ASAP1: variants seen among roughly 807,000 people sequenced by gnomAD.
ASAP1 encodes ArfGAP with SH3 domain, ankyrin repeat and PH domain 1, also known as arf-GAP with SH3 domain, ANK repeat and PH domain-containing protein 1.
ASAP1 carries 43 observed loss-of-function variants against 145.2 expected under a neutral mutation model. That is an observed-to-expected ratio of 0.30 (90% CI 0.23 to 0.38). The LOEUF (loss-of-function observed/expected upper bound fraction) is 0.38. Among genes scored for constraint, ASAP1 ranks in the 10% least tolerant of loss-of-function variants. The pLI is 1.00. For missense variants in ASAP1, 1,018 were observed against 1,355.3 expected (o/e 0.75, Z 3.91); for synonymous variants, 546 against 515.5 (o/e 1.06, Z -0.80).
intron 2 of ASAP1, among the ~76,000 whole-genome samples, chr8:130,394,956 C>A (rs1828458533): frequency 6.6e-6 from 1 of 152,196 alleles, no homozygotes; most frequent in Non-Finnish European, 1.5e-5. Context: ...AACCACTTTA[C>A]CCACCAGGCC....
intron 3 of ASAP1, among the ~76,000 whole-genome samples, chr8:130,302,598 A>G (rs1001641852): frequency 6.6e-6 from 1 of 152,222 alleles, no homozygotes; most frequent in Non-Finnish European, 1.5e-5. Flanking sequence ...TGCTGGGAGC[A>G]CTAGATTAAT....
chr8:130,442,228 T>C (rs560833179), intron 1 of ASAP1, among the ~76,000 whole-genome samples: 3 of 152,186 alleles, frequency 2.0e-5, no homozygotes, highest in Non-Finnish European at 4.4e-5. Context: ...ATCTGTTTCA[T>C]GGCTAACAGA....
intron 4 of ASAP1, among the ~76,000 whole-genome samples, chr8:130,226,865 G>A (rs914666197): frequency 6.6e-6 from 1 of 152,128 alleles, no homozygotes; most frequent in Admixed American, 6.6e-5. Context: ...GTTTACTGAT[G>A]GCTCTGTAGG....
chr8:130,379,929 G>A (rs1827686877), intron 2 of ASAP1, among the ~76,000 whole-genome samples: 1 of 152,150 alleles, frequency 6.6e-6, no homozygotes. Flanking sequence ...ACTGCTCCTT[G>A]TCCTCAGGCT....
intron 24 of ASAP1, among the ~76,000 whole-genome samples, chr8:130,103,766 G>A (rs1256489589): frequency 2.0e-5 from 3 of 152,134 alleles, no homozygotes; most frequent in Non-Finnish European, 2.9e-5. Context: ...CACCTGCCTC[G>A]GCCTCCCAAA....
chr8:130,158,249 C>A (rs971314920), intron 12 of ASAP1, among the ~76,000 whole-genome samples: 1 of 151,804 alleles, frequency 6.6e-6, no homozygotes, highest in Non-Finnish European at 1.5e-5. Flanking sequence ...GTGAGTCATG[C>A]CCGTAATCCC....
intron 24 of ASAP1, among the ~76,000 whole-genome samples, chr8:130,108,340 G>A (rs1227763277): frequency 1.3e-5 from 2 of 152,184 alleles, no homozygotes; most frequent in Non-Finnish European, 2.9e-5. Flanking sequence ...ACTGTAATTA[G>A]CATATCAGGT....
chr8:130,375,840 ACTGTTTTCTACAT>A (rs1827462834), intron 2 of ASAP1, among the ~76,000 whole-genome samples: 1 of 152,234 alleles, frequency 6.6e-6, no homozygotes, highest in Non-Finnish European at 1.5e-5. Context: ...CAAAGCCAGG[ACTGTTTTCTACAT>A]CAGCTGTCTA....
chr8:130,124,006 T>C lies in ASAP1; in HGVS notation c.1607+7A>G. On this transcript the variant is annotated splice_region_variant and intron_variant, in intron 18 of 29. Transcript: ENST00000518721. ...TTAAAAAAGTTCAATATATCAGAAA[T>C]ACTTACATATCACTTGAAGGGGTGG... 1.3e-6 allele frequency: 2 copies of C among 1,591,362 alleles called. No individual in the cohort carries two copies. The highest frequency in any genetic ancestry group is 2.3e-5 in the South Asian group (2 of 88,866).
At chr8:130,366,311 A>C (rs1421397692) in intron 2 of ASAP1, among the ~76,000 whole-genome samples, 2 of 152,236 alleles carry the variant, frequency 1.3e-5, no homozygotes, top group Non-Finnish European at 2.9e-5. Context: ...AATTTGGGGC[A>C]AGAGGACTGT....
intron 5 of ASAP1, among the ~76,000 whole-genome samples, chr8:130,210,806 GGATATGACT>G (rs1022766892): frequency 6.6e-6 from 1 of 152,036 alleles, no homozygotes; most frequent in African/African-American, 2.4e-5. Flanking sequence ...CTCTAAAATG[GGATATGACT>G]GATAGCTGTC....
intron 2 of ASAP1, among the ~76,000 whole-genome samples, chr8:130,365,115 C>T (rs1405265255): frequency 1.3e-5 from 2 of 152,178 alleles, no homozygotes; most frequent in South Asian, 2.1e-4. Flanking sequence ...AAAGCAAGGA[C>T]AGAAGATTCC....
intron 3 of ASAP1, among the ~76,000 whole-genome samples, chr8:130,286,920 G>A (rs1821650310): frequency 6.6e-6 from 1 of 152,136 alleles, no homozygotes; most frequent in Non-Finnish European, 1.5e-5. Context: ...AATGGTATAA[G>A]GAAACACCTC....
chr8:130,084,716 C>G (rs1026006058), intron 25 of ASAP1: 1 of 152,112 alleles, frequency 6.6e-6, no homozygotes, highest in Non-Finnish European at 1.5e-5. Context: ...TGCCTAATTT[C>G]CTCATCAGTA....
At chr8:130,134,624 T>C (rs1271231525) in intron 14 of ASAP1, among the ~76,000 whole-genome samples, 5 of 152,202 alleles carry the variant, frequency 3.3e-5, no homozygotes, top group Non-Finnish European at 5.9e-5. Flanking sequence ...ACATGATTCA[T>C]TCTGTCGAGG....
At position 130,079,960 on chromosome 8, in the gene ASAP1, C is replaced by T; in HGVS notation, c.2584G>A (p.Gly862Ser). 1.2e-6 allele frequency: 2 copies of T among 1,613,970 alleles called. No individual in the cohort carries two copies. The highest frequency in any genetic ancestry group is 1.1e-5 in the South Asian group (1 of 91,080). The change falls in exon 26 of 30, where the codon GGT becomes AGT. Residue 862 changes from glycine to serine, a missense_variant. Physicochemically the swap from Gly to Ser is moderately conservative, Grantham distance 56. Transcript: ENST00000518721. ...GTAGTCTTACTTGAAGAGGATGGACCCCCATCGTTACCTACAAGGAAAACC... is the reference window on the plus strand; with the variant it reads ...GTAGTCTTACTTGAAGAGGATGGACTCCCATCGTTACCTACAAGGAAAACC... ...KGAVPWGNDGGPSSSSKTTNK... is the reference protein window; with the variant it reads ...KGAVPWGNDGSPSSSSKTTNK...
At chr8:130,337,483 C>T (rs751235978) in intron 3 of ASAP1, among the ~76,000 whole-genome samples, 4 of 152,120 alleles carry the variant, frequency 2.6e-5, no homozygotes, top group East Asian at 1.9e-4. Context: ...AAATTCTGAA[C>T]GCTAATTAAG....
Position 130,053,041 on chromosome 8 carries a change from A to AAATATT in ASAP1, c.*1684_*1689dup, listed in dbSNP as rs1251087203. ...AATCACTTTCCAATAACAGCTGATA[A>AAATATT]AATATTTTGCAGGTTTGTCATGCAA... On this transcript the variant is annotated 3_prime_UTR_variant, in exon 30 of 30. Coordinates refer to ENST00000518721, the MANE Select transcript of ASAP1 (RefSeq NM_018482.4). The AAATATT allele has an allele frequency of 6.6e-6, 1 of 152,192 alleles. No individual in the cohort carries two copies. Among genetic ancestry groups the AAATATT allele is most frequent in the Non-Finnish European group, 1.5e-5 (1 of 68,042 alleles). The allele number at this position is 152,192 out of a possible 1,614,324, so 9.4% of individuals were successfully genotyped here.
intron 3 of ASAP1, among the ~76,000 whole-genome samples, chr8:130,325,177 A>G (rs1369978496): frequency 1.3e-5 from 2 of 152,244 alleles, no homozygotes; most frequent in African/African-American, 4.8e-5. Context: ...GAAAACTCAG[A>G]TGAGTTCACA....
Sources: allele counts gnomAD v4.1 joint callset (sites outside exome capture counted in the v4.1 genomes callset), GRCh38; gene constraint gnomAD v4.1.1; transcripts MANE v1.5; gene names NCBI Gene and HGNC (gene_info 2026-07-23, HGNC 2026-07-21).